SCUBE1: variants seen among roughly 807,000 people sequenced by gnomAD.
The protein encoded by SCUBE1 is signal peptide, CUB domain and EGF like domain containing 1, also known as signal peptide, CUB and EGF-like domain-containing protein 1.
In SCUBE1, 59 loss-of-function variants were observed where a neutral mutation model predicts 124.4. The observed-to-expected ratio is 0.47, with a 90% CI of 0.38 to 0.59. The LOEUF is 0.59. SCUBE1 is among the 20% of genes least tolerant of loss of function. The probability of loss-of-function intolerance (pLI) is 0.00; values close to 1 mark genes in which losing one functional copy is unlikely to be tolerated. For synonymous variants in SCUBE1, 545 were observed against 550.9 expected (o/e 0.99, Z 0.15); for missense variants, 1,150 against 1,371.2 (o/e 0.84, Z 2.55).
At chr22:43,249,765 T>A (rs995574545) in intron 6 of SCUBE1, among the ~76,000 whole-genome samples, 2 of 152,188 alleles carry the variant, frequency 1.3e-5, no homozygotes, top group African/African-American at 4.8e-5. Flanking sequence ...AGCAGGACAG[T>A]GGGCCCTGAG....
chr22:43,277,178 G>T (rs138513682), intron 4 of SCUBE1, among the ~76,000 whole-genome samples: 51 of 152,166 alleles, frequency 3.4e-4, no homozygotes, highest in Non-Finnish European at 5.9e-4. Context: ...CAGTCAGGAT[G>T]AGCGGGAGTT....
intron 3 of SCUBE1, among the ~76,000 whole-genome samples, chr22:43,297,999 C>T (rs1269671333): frequency 6.6e-6 from 1 of 152,232 alleles, no homozygotes; most frequent in Non-Finnish European, 1.5e-5. Flanking sequence ...CGAACTCCAC[C>T]TCCAGCACGG....
chr22:43,297,612 C>T (rs934661486), intron 3 of SCUBE1, among the ~76,000 whole-genome samples: 5 of 152,250 alleles, frequency 3.3e-5, no homozygotes, highest in African/African-American at 1.2e-4. Context: ...CTGACATCAG[C>T]AGGCCATAGG....
chr22:43,206,772 G>A (rs552864442), intron 21 of SCUBE1, among the ~76,000 whole-genome samples: 1 of 152,156 alleles, frequency 6.6e-6, no homozygotes, highest in East Asian at 1.9e-4. Context: ...GTTTGGGAGC[G>A]ATGCTCCCAG....
At chr22:43,241,946 C>T (rs918577674) in intron 6 of SCUBE1, among the ~76,000 whole-genome samples, 7 of 152,248 alleles carry the variant, frequency 4.6e-5, no homozygotes, top group African/African-American at 1.7e-4. Flanking sequence ...CCTCTTCCCG[C>T]TTCGGGGCCT....
chr22:43,292,151 C>T (rs996890292), intron 3 of SCUBE1, among the ~76,000 whole-genome samples: 3 of 152,174 alleles, frequency 2.0e-5, no homozygotes, highest in African/African-American at 7.2e-5. Flanking sequence ...TGCCCCAAGG[C>T]TCTGTGCCCT....
Position 43,222,739 on chromosome 22 carries a change from G to A in SCUBE1, c.1331C>T (p.Ser444Leu), listed in dbSNP as rs139855417. 3.7e-5 allele frequency: 59 copies of A among 1,597,320 alleles called. No individual in the cohort carries two copies. The highest frequency in any genetic ancestry group is 9.4e-5 in the African/African-American group (7 of 74,668). ...GCAGCTCAGGACGTAGCTATTTTCC[G>A]AGTCTGCAGAGAAGCCGGTGGGTGA... ...CPAHTLFVPDSENSYVLSCGV... is the reference protein window; with the variant it reads ...CPAHTLFVPDLENSYVLSCGV... The change falls in exon 12 of 22, where the codon TCG (serine) becomes TTG (leucine). Residue 444 changes from serine to leucine, a missense_variant. Around this residue, in one of 3 missense-constraint regions of SCUBE1, gnomAD observed 757 missense variants for 840.9 expected, o/e 0.90. Transcript: ENST00000360835.
rs1417017716 is a variant in SCUBE1 at position 43,201,414 on chromosome 22, G to A, written c.*2583C>T. 6.6e-6 allele frequency: 1 copy of A among 152,046 alleles called. No individual in the cohort carries two copies. Among genetic ancestry groups the A allele is most frequent in the African/African-American group, 2.4e-5 (1 of 41,380 alleles). The allele number at this position is 152,046 out of a possible 1,614,324, so 9.4% of individuals were successfully genotyped here. On this transcript the variant is annotated 3_prime_UTR_variant, in exon 22 of 22. Transcript: ENST00000360835. The stretch of plus-strand genomic sequence containing the variant: ...GATGGTTGATTGCATGGTCGTCTTG[G>A]TTGGGTGAACGGATACCCAGCTAGC...
rs577687868 is a variant in SCUBE1, at chr22:43,296,004, G to A, written c.350-4824C>T. Among the ~76,000 whole-genome samples, 385 of 148,430 alleles carry A rather than the reference G, an allele frequency of 2.6e-3. 2 individuals are homozygous for A. The highest frequency in any genetic ancestry group is 8.8e-3 in the African/African-American group (349 of 39,774). ...GAAGGGGCAGGGCAGGGCCCAGACA[G>A]GGAAGGGCCTGCAGCCTCTCTAACA... is the stretch of plus-strand genomic sequence containing the variant. On this transcript the variant is annotated intron_variant, in intron 3 of 21. Coordinates refer to ENST00000360835, the MANE Select transcript of SCUBE1 (RefSeq NM_173050.5).
intron 6 of SCUBE1, among the ~76,000 whole-genome samples, chr22:43,251,712 T>C (rs1923457070): frequency 6.6e-6 from 1 of 152,184 alleles, no homozygotes; most frequent in African/African-American, 2.4e-5. Context: ...CCTGCCGACA[T>C]CTTCAATTTA....
chr22:43,278,745 C>G (rs149801294), intron 4 of SCUBE1, among the ~76,000 whole-genome samples: 2,862 of 152,332 alleles, frequency 0.019, 44 homozygotes, highest in Non-Finnish European at 0.03. Context: ...TCCTGCCCCC[C>G]CAGTGCAGCT....
chr22:43,207,492 A>G, intron 21 of SCUBE1, 42 bp downstream of exon 21: 1 of 1,500,900 alleles, frequency 6.7e-7, no homozygotes, highest in Non-Finnish European at 9.3e-7. Flanking sequence ...CACAGGCCCC[A>G]TCCCAGGGTT....
At chr22:43,337,405 C>T (rs1005109863) in intron 2 of SCUBE1, among the ~76,000 whole-genome samples, 2 of 152,176 alleles carry the variant, frequency 1.3e-5, no homozygotes, top group South Asian at 2.1e-4. Flanking sequence ...ACCATGGCCC[C>T]GCCTTTCCGG....
chr22:43,311,529 T>C (rs149893667), intron 3 of SCUBE1, among the ~76,000 whole-genome samples: 2,056 of 151,658 alleles, frequency 0.014, 62 homozygotes, highest in African/African-American at 0.048. Context: ...CAAGTGATTC[T>C]CCTGCCTCAG....
intron 5 of SCUBE1, 134 bp downstream of exon 5, chr22:43,262,586 G>A: frequency 9.6e-7 from 1 of 1,046,288 alleles, no homozygotes. Context: ...CCCTTCCACA[G>A]GCCCTGCCCT....
At chr22:43,335,742 A>G (rs1442610716) in intron 2 of SCUBE1, among the ~76,000 whole-genome samples, 1 of 150,660 alleles carries the variant, frequency 6.6e-6, no homozygotes, top group Non-Finnish European at 1.5e-5. Flanking sequence ...AGAACAGGTG[A>G]TGATGATGAT....
chr22:43,243,259 C>T (rs1390237401), intron 6 of SCUBE1, among the ~76,000 whole-genome samples: 4 of 152,352 alleles, frequency 2.6e-5, no homozygotes, highest in African/African-American at 7.2e-5. Flanking sequence ...GGTCTGCACC[C>T]GCTGGTGCCC....
intron 4 of SCUBE1, among the ~76,000 whole-genome samples, chr22:43,267,764 C>T (rs1924130965): frequency 1.3e-5 from 2 of 152,176 alleles, no homozygotes; most frequent in Admixed American, 1.3e-4. Flanking sequence ...AGAGGGAGAG[C>T]GGGTGGCATG....
At chr22:43,220,694 G>T in intron 13 of SCUBE1, 107 bp from the exon 14 acceptor site, 1 of 1,398,466 alleles carries the variant, frequency 7.2e-7, no homozygotes, top group Non-Finnish European at 9.6e-7. Flanking sequence ...CTGGTCCGTG[G>T]TGCAGACGGA....
Sources: allele counts gnomAD v4.1 joint callset (sites outside exome capture counted in the v4.1 genomes callset), GRCh38; gene constraint gnomAD v4.1.1; regional missense constraint gnomAD v4.1.1; transcripts MANE v1.5; gene names NCBI Gene and HGNC (gene_info 2026-07-23, HGNC 2026-07-21).